GLRX3: variants seen among roughly 807,000 people sequenced by gnomAD.
GLRX3 encodes the protein glutaredoxin-3.
In GLRX3, 22 loss-of-function variants were observed where a neutral mutation model predicts 49.5. That is an observed-to-expected ratio of 0.44 (90% CI 0.32 to 0.63). GLRX3 has a LOEUF of 0.63. GLRX3 is among the 30% of genes least tolerant of loss of function. The pLI is 0.05. For missense variants in GLRX3, 385 were observed against 396.3 expected (o/e 0.97, Z 0.24); for synonymous variants, 133 against 140.0 (o/e 0.95, Z 0.35).
At chr10:130,177,755 A>G (rs1319637650) in intron 10 of GLRX3, among the ~76,000 whole-genome samples, 1 of 152,208 alleles carries the variant, frequency 6.6e-6, no homozygotes, top group Non-Finnish European at 1.5e-5. Flanking sequence ...GAAGATCCCT[A>G]GACATGACTG....
chr10:130,179,235 G>A (rs1862980093), intron 10 of GLRX3, 107 bp from the exon 11 acceptor site: 1 of 619,060 alleles, frequency 1.6e-6, no homozygotes. Flanking sequence ...TAATCCAATA[G>A]GTGTTTCTTT....
intron 10 of GLRX3, among the ~76,000 whole-genome samples, chr10:130,178,158 A>G (rs992866384): frequency 2.6e-5 from 4 of 152,190 alleles, no homozygotes; most frequent in Admixed American, 1.3e-4. Context: ...TTGGGTTTCA[A>G]TAGCAAAGCC....
At chr10:130,150,405 A>G (rs573082036) in intron 2 of GLRX3, among the ~76,000 whole-genome samples, 15 of 152,234 alleles carry the variant, frequency 9.9e-5, no homozygotes, top group African/African-American at 3.4e-4. Flanking sequence ...TTCAGTGCAA[A>G]CATTCTCAAA....
rs142638548 is a variant in GLRX3, at chr10:130,153,276, C to T, written c.202-6719C>T. 3.2e-4 allele frequency among the ~76,000 whole-genome samples: 48 copies of T among 152,236 alleles called. No individual in the cohort carries two copies. In the East Asian group the frequency reaches 8.5e-3, roughly 27 times the overall value. On this transcript the variant is annotated intron_variant, in intron 2 of 10. Coordinates refer to ENST00000331244, the MANE Select transcript of GLRX3 (RefSeq NM_006541.5). ...TTAGCTAGGAGAAGTTTGTTATTAC[C>T]GATCTTCTGAATCCTGCTTCTGTCA...
At chr10:130,154,714 G>T (rs1862442095) in intron 2 of GLRX3, among the ~76,000 whole-genome samples, 2 of 152,028 alleles carry the variant, frequency 1.3e-5, no homozygotes, top group South Asian at 4.1e-4. Context: ...CCCATTCTTG[G>T]CTTAGGTATA....
At chr10:130,164,869 C>T (rs796226188) in intron 4 of GLRX3, among the ~76,000 whole-genome samples, 12 of 152,318 alleles carry the variant, frequency 7.9e-5, no homozygotes, top group African/African-American at 2.6e-4. Context: ...AGCAATCAGC[C>T]GTTAGCTGTT....
intron 4 of GLRX3, among the ~76,000 whole-genome samples, chr10:130,164,009 A>G (rs1862633171): frequency 6.6e-6 from 1 of 152,216 alleles, no homozygotes; most frequent in South Asian, 2.1e-4. Flanking sequence ...AATCAGAAAA[A>G]CATGAATGAA....
chr10:130,146,213 G>T (rs1862268156), intron 2 of GLRX3, among the ~76,000 whole-genome samples: 2 of 152,186 alleles, frequency 1.3e-5, no homozygotes, highest in African/African-American at 2.4e-5. Flanking sequence ...GGTAACTGTG[G>T]TTTTAAGGCA....
intron 4 of GLRX3, among the ~76,000 whole-genome samples, chr10:130,165,452 AATC>A (rs1459863354): frequency 2.0e-5 from 3 of 152,368 alleles, no homozygotes; most frequent in Admixed American, 2.0e-4. Flanking sequence ...AGTATAATAA[AATC>A]ATGGAACATA....
At chr10:130,159,926 C>T in intron 2 of GLRX3, 69 bp from the exon 3 acceptor site, 1 of 1,274,322 alleles carries the variant, frequency 7.8e-7, no homozygotes, top group East Asian at 2.3e-5. Context: ...GCATGTGAAA[C>T]TGATTTACAT....
intron 1 of GLRX3, among the ~76,000 whole-genome samples, chr10:130,143,568 G>T (rs1349619175): frequency 6.6e-6 from 1 of 151,592 alleles, no homozygotes; most frequent in Non-Finnish European, 1.5e-5. Flanking sequence ...TTGCTCTGTT[G>T]CCCACACTGG....
chr10:130,163,627 C>T (rs7904722), intron 4 of GLRX3, among the ~76,000 whole-genome samples: 54,982 of 152,002 alleles, frequency 0.36, 10,071 homozygotes, highest in South Asian at 0.46. Flanking sequence ...CTTTCTGTCA[C>T]ATATAGTAAA....
At chr10:130,145,377 T>C in intron 2 of GLRX3, 58 bp downstream of exon 2, 1 of 875,696 alleles carries the variant, frequency 1.1e-6, no homozygotes, top group Non-Finnish European at 1.9e-6. Flanking sequence ...ATGGGTTAGA[T>C]TAGGGCTGGG....
chr10:130,144,018 A>G (rs1463351816), intron 1 of GLRX3, among the ~76,000 whole-genome samples: 1 of 152,152 alleles, frequency 6.6e-6, no homozygotes, highest in African/African-American at 2.4e-5. Flanking sequence ...CTTTTGTAGC[A>G]TAATATTAAA....
chr10:130,168,480 T>C lies in GLRX3; in HGVS notation c.714-953T>C, dbSNP rs1356511111. Among the ~76,000 whole-genome samples the C allele has an allele frequency of 3.3e-5, 5 of 152,252 alleles. No homozygotes were observed. In the East Asian group the frequency reaches 9.6e-4, roughly 29 times the overall value. ...TTTTTTTTGAGACGGACTCTGGCTC[T>C]GTAGCCCAGGCTGGAGTGCAGTGGT... On this transcript the variant is annotated intron_variant, in intron 6 of 10. Coordinates refer to ENST00000331244, the MANE Select transcript of GLRX3 (RefSeq NM_006541.5).
intron 1 of GLRX3, among the ~76,000 whole-genome samples, chr10:130,143,890 G>A (rs1376923283): frequency 6.6e-6 from 1 of 151,964 alleles, no homozygotes; most frequent in African/African-American, 2.4e-5. Flanking sequence ...GTAGAGTTGG[G>A]GTTTCACCAC....
intron 8 of GLRX3, among the ~76,000 whole-genome samples, chr10:130,172,613 A>C (rs1016376): frequency 6.6e-6 from 1 of 152,222 alleles, no homozygotes; most frequent in African/African-American, 2.4e-5. Context: ...GAAAATAGTT[A>C]AATAGTACAG....
chr10:130,165,854 A>G (rs539906654), intron 4 of GLRX3, among the ~76,000 whole-genome samples: 5 of 152,364 alleles, frequency 3.3e-5, no homozygotes, highest in African/African-American at 9.6e-5. Context: ...TCATAGATTC[A>G]TAACAGAAAG....
chr10:130,179,650 A>G lies in GLRX3; in HGVS notation c.*258A>G, dbSNP rs1349648626. The G allele has an allele frequency of 7.4e-6, 3 of 405,574 alleles. No individual in the cohort carries two copies. The East Asian group carries it at 1.7e-4, about 23-fold the overall frequency. 25.1% of individuals were successfully genotyped at this position (405,574 alleles called of 1,614,324 possible). A position where few individuals can be genotyped will look rare whatever the true frequency, so the allele number is the denominator to read the frequency against. ...GTGTATCTTTACAGCAGTATTAAAC[A>G]TACAGCTACTATAATTAACCCACCT... On this transcript the variant is annotated 3_prime_UTR_variant, in exon 11 of 11. Coordinates refer to ENST00000331244, the MANE Select transcript of GLRX3 (RefSeq NM_006541.5).
Sources: allele counts gnomAD v4.1 joint callset (sites outside exome capture counted in the v4.1 genomes callset), GRCh38; gene constraint gnomAD v4.1.1; transcripts MANE v1.5; gene names NCBI Gene and HGNC (gene_info 2026-07-23, HGNC 2026-07-21).